AK5: variants seen among roughly 807,000 people sequenced by gnomAD.
The protein encoded by AK5 is adenylate kinase 5, also known as adenylate kinase isoenzyme 5.
In AK5, 27 loss-of-function variants were observed where a neutral mutation model predicts 69.5. The ratio of observed to expected loss-of-function variants is 0.39; its 90% confidence interval spans 0.29 to 0.54. The LOEUF is 0.54. Among genes scored for constraint, AK5 ranks in the 20% least tolerant of loss-of-function variants. The pLI, the probability that AK5 is intolerant of heterozygous loss-of-function variation, is 0.71. For synonymous variants in AK5, 260 were observed against 244.4 expected (o/e 1.06, Z -0.60); for missense variants, 531 against 700.4 (o/e 0.76, Z 2.73).
chr1:77,410,919 T>C, intron 6 of AK5, 62 bp from the exon 7 acceptor site: 1 of 1,316,212 alleles, frequency 7.6e-7, no homozygotes, highest in Non-Finnish European at 1.1e-6. Context: ...CTCATTATAT[T>C]TTTGAATTAA....
intron 5 of AK5, among the ~76,000 whole-genome samples, chr1:77,310,404 G>T (rs1400493871): frequency 2.6e-5 from 4 of 151,806 alleles, no homozygotes; most frequent in Admixed American, 2.0e-4. Context: ...TTTTGAGACA[G>T]AGTCTTACTC....
intron 1 of AK5, chr1:77,282,965 C>T (rs1272290414): frequency 1.0e-6 from 1 of 985,534 alleles, no homozygotes; most frequent in Non-Finnish European, 1.2e-6. Context: ...GAATGAACTC[C>T]TGAGCACGTT....
intron 8 of AK5, among the ~76,000 whole-genome samples, chr1:77,462,437 T>C (rs913640157): frequency 6.6e-6 from 1 of 152,076 alleles, no homozygotes; most frequent in African/African-American, 2.4e-5. Flanking sequence ...ATTCATTTTA[T>C]AAATATTATA....
chr1:77,299,862 T>C (rs1235936724), intron 5 of AK5, among the ~76,000 whole-genome samples: 1 of 152,188 alleles, frequency 6.6e-6, no homozygotes, highest in East Asian at 1.9e-4. Context: ...AATTGCTTTT[T>C]AAACATGCTA....
chr1:77,425,998 G>A (rs903483065), intron 8 of AK5, among the ~76,000 whole-genome samples: 1 of 152,126 alleles, frequency 6.6e-6, no homozygotes, highest in Non-Finnish European at 1.5e-5. Context: ...GCTCATAAAG[G>A]AGAGAAAAAG....
intron 5 of AK5, among the ~76,000 whole-genome samples, chr1:77,307,245 TC>T (rs141402645): frequency 0.017 from 2,540 of 151,940 alleles, 71 homozygotes; most frequent in African/African-American, 0.057. Flanking sequence ...GCTATAAACT[TC>T]CTTCTTAATA....
intron 8 of AK5, among the ~76,000 whole-genome samples, chr1:77,431,614 A>G (rs1651644839): frequency 6.6e-6 from 1 of 152,204 alleles, no homozygotes; most frequent in Admixed American, 6.5e-5. Context: ...TTCTTTAAAA[A>G]TATAACCCTA....
intron 6 of AK5, among the ~76,000 whole-genome samples, chr1:77,380,271 C>T (rs1647538967): frequency 1.3e-5 from 2 of 152,158 alleles, no homozygotes; most frequent in South Asian, 2.1e-4. Flanking sequence ...TAATAGCTCA[C>T]GTTTATCAAG....
chr1:77,482,142 A>G (rs528683831), intron 8 of AK5, among the ~76,000 whole-genome samples: 227 of 152,338 alleles, frequency 1.5e-3, no homozygotes, highest in Non-Finnish European at 2.3e-3. Flanking sequence ...CATAATATCT[A>G]TTTATGTTCA....
intron 6 of AK5, among the ~76,000 whole-genome samples, chr1:77,387,152 T>A (rs1474374319): frequency 6.6e-6 from 1 of 152,210 alleles, no homozygotes; most frequent in Non-Finnish European, 1.5e-5. Flanking sequence ...TGCACCTGAA[T>A]GTTTTTGAGC....
intron 12 of AK5, among the ~76,000 whole-genome samples, chr1:77,532,951 G>A (rs777681907): frequency 2.3e-4 from 35 of 152,186 alleles, no homozygotes; most frequent in Non-Finnish European, 3.7e-4. Context: ...TACTCCAAGG[G>A]ACTTTCTAAT....
chr1:77,544,952 A>G (rs1659466538), intron 13 of AK5, among the ~76,000 whole-genome samples: 1 of 152,230 alleles, frequency 6.6e-6, no homozygotes, highest in Non-Finnish European at 1.5e-5. Flanking sequence ...TTACACCAGC[A>G]TCACCACAAA....
chr1:77,484,990 T>C (rs1655496982), intron 9 of AK5, among the ~76,000 whole-genome samples: 1 of 152,182 alleles, frequency 6.6e-6, no homozygotes, highest in Non-Finnish European at 1.5e-5. Flanking sequence ...AAAATCACAA[T>C]AATAACCAGG....
chr1:77,461,456 CAGGT>C (rs199964252), intron 8 of AK5, among the ~76,000 whole-genome samples: 5,804 of 151,812 alleles, frequency 0.038, 164 homozygotes, highest in South Asian at 0.13. Flanking sequence ...TATATAATGA[CAGGT>C]AGAAAGAATA....
chr1:77,344,516 T>C (rs1661813971), intron 6 of AK5, among the ~76,000 whole-genome samples: 1 of 152,208 alleles, frequency 6.6e-6, no homozygotes, highest in Admixed American at 6.5e-5. Flanking sequence ...TATTGCTGGA[T>C]CTAGGAAAGC....
intron 10 of AK5, among the ~76,000 whole-genome samples, chr1:77,491,453 C>T (rs904798356): frequency 3.5e-4 from 53 of 152,062 alleles, no homozygotes; most frequent in African/African-American, 1.3e-3. Context: ...ATTACAGGCG[C>T]CTGCCATGGC....
At chr1:77,488,788 A>G (rs1038328333) in intron 10 of AK5, among the ~76,000 whole-genome samples, 10 of 152,188 alleles carry the variant, frequency 6.6e-5, no homozygotes, top group Non-Finnish European at 1.3e-4. Context: ...TGTGCCCACC[A>G]GATTAAGAGT....
intron 13 of AK5, among the ~76,000 whole-genome samples, chr1:77,555,342 G>T (rs562375417): frequency 6.6e-6 from 1 of 152,226 alleles, no homozygotes; most frequent in East Asian, 1.9e-4. Context: ...ATGCAATAGG[G>T]TACATAAGCC....
rs1335433222 is a variant in AK5 at position 77,282,270 on chromosome 1, C to G, written c.-44C>G. 7 of 1,532,398 alleles carry G rather than the reference C, an allele frequency of 4.6e-6. No homozygotes were observed. The South Asian group carries it at 8.7e-5, about 19-fold the overall frequency. The allele number at this position is 1,532,398 out of a possible 1,614,324, so 94.9% of individuals were successfully genotyped here. ...AGCCCCGGCTCAGGTCGCCGCAGCCCGGGAGCCTCCCCGCTTGCGCCCCAA... is the reference window on the plus strand; with the variant it reads ...AGCCCCGGCTCAGGTCGCCGCAGCCGGGGAGCCTCCCCGCTTGCGCCCCAA... On this transcript the variant is annotated 5_prime_UTR_variant, in exon 1 of 14. Transcript: ENST00000354567.
Sources: gnomAD v4.1 joint callset for allele counts (sites outside exome capture counted in the v4.1 genomes callset) on GRCh38, gnomAD v4.1.1 for gene constraint, MANE v1.5 for transcripts, NCBI Gene and HGNC (gene_info 2026-07-23, HGNC 2026-07-21) for gene names.